The following AZIN2 variants were observed in gnomAD, a reference collection of about 807,000 sequenced individuals.
AZIN2 encodes the protein antizyme inhibitor 2.
In AZIN2, 28 loss-of-function variants were observed where a neutral mutation model predicts 47.8. That is an observed-to-expected ratio of 0.59 (90% CI 0.43 to 0.80). The LOEUF (loss-of-function observed/expected upper bound fraction) is 0.80. AZIN2 is among the 30% of genes least tolerant of loss of function. The probability of loss-of-function intolerance (pLI) is 0.00; values close to 1 mark genes in which losing one functional copy is unlikely to be tolerated. For missense variants in AZIN2, 535 were observed against 582.5 expected, an observed-to-expected ratio of 0.92 and a Z score of 0.84; for synonymous variants, 221 against 239.4, an observed-to-expected ratio of 0.92 and a Z score of 0.71.
At chr1:33,104,910 G>T (rs1041079692) in intron 10 of AZIN2, among the ~76,000 whole-genome samples, 1 of 152,096 alleles carries the variant, frequency 6.6e-6, no homozygotes, top group Non-Finnish European at 1.5e-5. Context: ...TGTTGCCCAG[G>T]CTGGTCTTGA....
intron 8 of AZIN2, among the ~76,000 whole-genome samples, chr1:33,095,677 C>T (rs191843197): frequency 1.3e-5 from 2 of 152,312 alleles, no homozygotes; most frequent in East Asian, 1.9e-4. Flanking sequence ...CGACCCCCTA[C>T]ACACTACAAA....
chr1:33,099,679 T>C (rs1308885985), intron 10 of AZIN2, among the ~76,000 whole-genome samples: 3 of 152,224 alleles, frequency 2.0e-5, no homozygotes, highest in Non-Finnish European at 4.4e-5. Flanking sequence ...CATTCCTGAC[T>C]TGGGCACTGG....
chr1:33,101,101 A>G (rs1328911515), intron 10 of AZIN2, among the ~76,000 whole-genome samples: 2 of 152,040 alleles, frequency 1.3e-5, no homozygotes, highest in Non-Finnish European at 2.9e-5. Flanking sequence ...ACCTCAAGTG[A>G]TCCATCTGGC....
chr1:33,115,774 CT>C (rs1263159042), intron 10 of AZIN2, among the ~76,000 whole-genome samples: 2 of 152,130 alleles, frequency 1.3e-5, no homozygotes, highest in Non-Finnish European at 2.9e-5. Flanking sequence ...GATTTAAAAT[CT>C]TTTTTCACCT....
At chr1:33,100,776 C>T (rs1235009603) in intron 10 of AZIN2, among the ~76,000 whole-genome samples, 2 of 152,050 alleles carry the variant, frequency 1.3e-5, no homozygotes, top group Admixed American at 1.3e-4. Flanking sequence ...GAGCTATCCC[C>T]AACTGTCTCA....
the AZIN2 span, among the ~76,000 whole-genome samples, chr1:33,136,661 C>T: frequency 7.2e-5 from 11 of 151,768 alleles, no homozygotes; most frequent in Non-Finnish European, 1.2e-4. Context: ...TGAGCCACTG[C>T]GCCTGGCCCC....
intron 10 of AZIN2, among the ~76,000 whole-genome samples, chr1:33,114,896 G>A (rs1370634355): frequency 2.6e-5 from 4 of 152,000 alleles, no homozygotes; most frequent in African/African-American, 9.7e-5. Flanking sequence ...GCCCGTGTCC[G>A]CCTCCTAAAG....
chr1:33,134,652 G>A, the AZIN2 span, among the ~76,000 whole-genome samples: 2 of 152,194 alleles, frequency 1.3e-5, no homozygotes, highest in Non-Finnish European at 2.9e-5. Flanking sequence ...ACATGTTTAC[G>A]CAGGGAAGCT....
chr1:33,165,672 A>G, the AZIN2 span: 5 of 900,110 alleles, frequency 5.6e-6, no homozygotes, highest in East Asian at 3.1e-5. The surrounding 1 kb of genome is among the most constrained non-coding windows in gnomAD (Gnocchi z 4.0). Context: ...TCTGTCCCCA[A>G]CCTCCAACAC....
chr1:33,166,590 C>G, the AZIN2 span, among the ~76,000 whole-genome samples: 18 of 152,072 alleles, frequency 1.2e-4, no homozygotes, highest in Non-Finnish European at 2.5e-4. Flanking sequence ...GAAAAAGATA[C>G]AGAGAGGTCA....
At chr1:33,103,346 A>G (rs1051112126) in intron 10 of AZIN2, among the ~76,000 whole-genome samples, 6 of 151,544 alleles carry the variant, frequency 4.0e-5, no homozygotes, top group Non-Finnish European at 7.4e-5. Context: ...CTCCAGTCCC[A>G]TTCCTCTCCT....
the AZIN2 span, among the ~76,000 whole-genome samples, chr1:33,154,540 C>A: frequency 6.6e-6 from 1 of 152,186 alleles, no homozygotes; most frequent in African/African-American, 2.4e-5. Flanking sequence ...TGGCTCACGC[C>A]TGTAATCCTA....
At chr1:33,086,993 T>G (rs953999094) in intron 5 of AZIN2, among the ~76,000 whole-genome samples, 3 of 152,208 alleles carry the variant, frequency 2.0e-5, no homozygotes, top group African/African-American at 7.2e-5. Flanking sequence ...CAACATCCAG[T>G]GAGCACTTTA....
chr1:33,088,531 C>T (rs1192120801), intron 5 of AZIN2, among the ~76,000 whole-genome samples: 1 of 152,208 alleles, frequency 6.6e-6, no homozygotes, highest in Non-Finnish European at 1.5e-5. Flanking sequence ...TGTCGTTTCC[C>T]TTCCTAACCC....
chr1:33,091,635 G>A (rs984498568), intron 5 of AZIN2, among the ~76,000 whole-genome samples: 2 of 152,158 alleles, frequency 1.3e-5, no homozygotes, highest in African/African-American at 4.8e-5. Flanking sequence ...GAAGCCTGTT[G>A]TCAGGGCTAC....
In AZIN2 at chr1:33,113,716, T is replaced by G. The variant is rs1644390511; in HGVS notation, c.1030-4186T>G. On this transcript the variant is annotated intron_variant, in intron 10 of 11. Coordinates refer to ENST00000294517, the MANE Select transcript of AZIN2 (RefSeq NM_052998.4). The surrounding 1 kb of genome is among the most constrained non-coding windows in gnomAD (Gnocchi z 4.1). ...TCTCTCTGAGCCTTGTTTCTCTAGT[T>G]TCTCCATTTGGAAAATGACAGGGCT... Among the ~76,000 whole-genome samples the G allele has an allele frequency of 6.6e-6, 1 of 152,226 alleles. No individual in the cohort carries two copies. Among genetic ancestry groups the G allele is most frequent in the South Asian group, 2.1e-4 (1 of 4,830 alleles).
the AZIN2 span, among the ~76,000 whole-genome samples, chr1:33,140,265 G>A: frequency 6.6e-6 from 1 of 152,228 alleles, no homozygotes; most frequent in Non-Finnish European, 1.5e-5. This position sits in a 1 kb window ranked among gnomAD's most constrained non-coding sequence, Gnocchi z 4.0. Flanking sequence ...AGACGGAGCT[G>A]GGGTTTACCC....
chr1:33,082,426 T>C (rs1290752568), intron 4 of AZIN2, 72 bp downstream of exon 4: 4 of 1,088,626 alleles, frequency 3.7e-6, no homozygotes, highest in Non-Finnish European at 4.0e-6. Context: ...GAAGGGTCCC[T>C]AGGGCCCTCA....
At chr1:33,090,938 A>G (rs1642481040) in intron 5 of AZIN2, among the ~76,000 whole-genome samples, 1 of 152,162 alleles carries the variant, frequency 6.6e-6, no homozygotes, top group Non-Finnish European at 1.5e-5. Flanking sequence ...TATAAGTGAG[A>G]TCATGCATGT....
Sources: gnomAD v4.1 joint callset for allele counts (sites outside exome capture counted in the v4.1 genomes callset) on GRCh38, gnomAD v4.1.1 for gene constraint, Gnocchi (gnomAD v3.1) non-coding constraint, MANE v1.5 for transcripts, NCBI Gene and HGNC (gene_info 2026-07-23, HGNC 2026-07-21) for gene names.